Variants in DDX60L observed in about 807,000 individuals in gnomAD.
The protein encoded by DDX60L is probable ATP-dependent RNA helicase DDX60-like.
A neutral mutation model predicts 211.6 loss-of-function variants in DDX60L; 191 were observed. The ratio of observed to expected loss-of-function variants is 0.90; its 90% CI spans 0.80 to 1.02. DDX60L has a LOEUF of 1.02. DDX60L is among the 50% of genes least tolerant of loss of function. The pLI, the probability that DDX60L is intolerant of heterozygous loss-of-function variation, is 0.00. For missense variants in DDX60L, 2,007 were observed against 1,984.1 expected (o/e 1.01, Z -0.22); for synonymous variants, 706 against 694.1 (o/e 1.02, Z -0.27).
chr4:168,446,384 T>C (rs1754798963), intron 9 of DDX60L, among the ~76,000 whole-genome samples: 1 of 152,026 alleles, frequency 6.6e-6, no homozygotes, highest in Non-Finnish European at 1.5e-5. Context: ...TCAAAGAGGA[T>C]ACAAACAAAT....
At position 168,448,620 on chromosome 4, in the gene DDX60L, T is replaced by C; in HGVS notation, c.1138+18A>G. 6.7e-7 allele frequency: 1 copy of C among 1,489,984 alleles called. No individual in the cohort carries two copies. Among genetic ancestry groups the C allele is most frequent in the Non-Finnish European group, 9.1e-7 (1 of 1,094,052 alleles). The allele number at this position is 1,489,984 out of a possible 1,614,324, so 92.3% of individuals were successfully genotyped here. A position where few individuals can be genotyped will look rare whatever the true frequency, so the allele number is the denominator to read the frequency against. On this transcript the variant is annotated intron_variant, in intron 9 of 37. Transcript: ENST00000682922. Reference sequence around the variant, plus strand: ...TAATTTGTTCATGATATAATGTTAATGCATATTCAGGTACTACCTTGAGTA... The same window carrying C: ...TAATTTGTTCATGATATAATGTTAACGCATATTCAGGTACTACCTTGAGTA...
At chr4:168,421,464 A>G (rs1965953) in intron 17 of DDX60L, among the ~76,000 whole-genome samples, 142,124 of 152,238 alleles carry the variant, frequency 0.93, 66,497 homozygotes, top group Middle Eastern at 0.98. Flanking sequence ...AGACCAGCCT[A>G]GCCAACATGG....
At chr4:168,376,437 A>G (rs1394428897) in intron 33 of DDX60L, among the ~76,000 whole-genome samples, 2 of 152,210 alleles carry the variant, frequency 1.3e-5, no homozygotes, top group African/African-American at 2.4e-5. Context: ...ATAAACAGCT[A>G]TTTATTCTCA....
chr4:168,475,143 C>G (rs1043730524), intron 1 of DDX60L, among the ~76,000 whole-genome samples: 1 of 152,180 alleles, frequency 6.6e-6, no homozygotes, highest in Non-Finnish European at 1.5e-5. Context: ...GTTGTGTGGC[C>G]TGAGGCAAAT....
chr4:168,442,011 GA>G (rs1753918945), intron 9 of DDX60L, among the ~76,000 whole-genome samples: 1 of 152,122 alleles, frequency 6.6e-6, no homozygotes, highest in African/African-American at 2.4e-5. Context: ...CAAGATGGCC[GA>G]ATAGGAACAG....
chr4:168,476,869 G>A (rs559327603), intron 1 of DDX60L, among the ~76,000 whole-genome samples: 3 of 152,102 alleles, frequency 2.0e-5, no homozygotes, highest in Non-Finnish European at 4.4e-5. Flanking sequence ...TCGAGAAATA[G>A]GTATACCTTC....
At position 168,415,907 on chromosome 4, in the gene DDX60L, G is replaced by A. The variant is rs1413539751; in HGVS notation, c.2727-108C>T. 2.8e-6 allele frequency: 3 copies of A among 1,054,000 alleles called. No individual in the cohort carries two copies. In the East Asian group the frequency reaches 8.5e-5, roughly 30 times the overall value. The allele number at this position is 1,054,000 out of a possible 1,614,324, so 65.3% of individuals were successfully genotyped here. A position where few individuals can be genotyped will look rare whatever the true frequency, so the allele number is the denominator to read the frequency against. On this transcript the variant is annotated intron_variant, in intron 20 of 37. Coordinates refer to ENST00000682922, the MANE Select transcript of DDX60L (RefSeq NM_001012967.3). ...TCACAAGTTTAAAAATTTAGAGCAT[G>A]CCCTCTCAATTTAAACCACCTGAGT...
At chr4:168,466,245 A>G (rs976707100) in intron 4 of DDX60L, among the ~76,000 whole-genome samples, 1 of 152,150 alleles carries the variant, frequency 6.6e-6, no homozygotes, top group Admixed American at 6.5e-5. Flanking sequence ...GAAAATTAAC[A>G]AAGTGAAAAA....
intron 20 of DDX60L, 121 bp downstream of exon 20, chr4:168,416,561 A>G (rs934031044): frequency 1.8e-5 from 10 of 556,714 alleles, no homozygotes; most frequent in African/African-American, 1.8e-4. Context: ...CGTTTCAAAG[A>G]TTGGGTAATA....
chr4:168,417,457 T>C (rs1749758842), intron 19 of DDX60L, among the ~76,000 whole-genome samples: 1 of 152,192 alleles, frequency 6.6e-6, no homozygotes, highest in African/African-American at 2.4e-5. Context: ...TTCCTGCTTA[T>C]CCCTGCAAAG....
intron 9 of DDX60L, among the ~76,000 whole-genome samples, 156 bp from the exon 10 acceptor site, chr4:168,441,648 A>G (rs938729648): frequency 2.0e-5 from 3 of 152,168 alleles, no homozygotes; most frequent in African/African-American, 7.2e-5. Context: ...AAAATTAGTC[A>G]TGACACTATG....
chr4:168,440,459 T>C (rs1366359082), intron 10 of DDX60L, among the ~76,000 whole-genome samples: 1 of 151,684 alleles, frequency 6.6e-6, no homozygotes, highest in African/African-American at 2.4e-5. Flanking sequence ...CTCATTACTT[T>C]TACAATTTCC....
chr4:168,433,288 C>G (rs1752614970), intron 10 of DDX60L, among the ~76,000 whole-genome samples, 173 bp from the exon 11 acceptor site: 2 of 151,904 alleles, frequency 1.3e-5, no homozygotes, highest in Admixed American at 1.3e-4. Context: ...TTGTAGCAAG[C>G]CAGTATATTA....
At position 168,461,679 on chromosome 4, in the gene DDX60L, G is replaced by A. The variant is rs767517504; in HGVS notation, c.606+20C>T. The A allele has an allele frequency of 2.1e-6, 3 of 1,452,406 alleles. No individual in the cohort carries two copies. The highest frequency in any genetic ancestry group is 2.4e-5 in the East Asian group (1 of 42,360). 90.0% of individuals were successfully genotyped at this position (1,452,406 alleles called of 1,614,324 possible). A position where few individuals can be genotyped will look rare whatever the true frequency, so the allele number is the denominator to read the frequency against. ...TAAAACAAGAAATCAGGAAAAAAAT[G>A]AGTTATTAATGTCAATTACCTCCTT... On this transcript the variant is annotated intron_variant, in intron 5 of 37. Coordinates refer to ENST00000682922, the MANE Select transcript of DDX60L (RefSeq NM_001012967.3).
At chr4:168,386,277 T>C (rs11723137) in intron 29 of DDX60L, among the ~76,000 whole-genome samples, 113,338 of 151,948 alleles carry the variant, frequency 0.75, 43,567 homozygotes, top group East Asian at 0.87. Context: ...TAAGCCATTT[T>C]CTCTAACTCT....
intron 15 of DDX60L, among the ~76,000 whole-genome samples, chr4:168,423,144 T>C (rs1322478784): frequency 6.6e-6 from 1 of 152,088 alleles, no homozygotes; most frequent in African/African-American, 2.4e-5. Context: ...AATAGTGTAA[T>C]ATTTAAGTAA....
At chr4:168,410,311 T>C (rs1579452130) in intron 22 of DDX60L, among the ~76,000 whole-genome samples, 1 of 152,138 alleles carries the variant, frequency 6.6e-6, no homozygotes, top group Non-Finnish European at 1.5e-5. Context: ...GGAAGACGAA[T>C]AGAATCTGGA....
At chr4:168,370,149 G>C (rs1579197561) in intron 36 of DDX60L, among the ~76,000 whole-genome samples, 1 of 152,024 alleles carries the variant, frequency 6.6e-6, no homozygotes, top group Non-Finnish European at 1.5e-5. Context: ...ATTTACAATA[G>C]CTATGATATG....
chr4:168,457,811 A>G (rs1464879483), intron 6 of DDX60L, 81 bp downstream of exon 6: 5 of 799,184 alleles, frequency 6.3e-6, no homozygotes, highest in African/African-American at 5.2e-5. Flanking sequence ...AGTCTGGTCT[A>G]AGGACTGAAC....
Sources: allele counts gnomAD v4.1 joint callset (sites outside exome capture counted in the v4.1 genomes callset), GRCh38; gene constraint gnomAD v4.1.1; transcripts MANE v1.5; gene names NCBI Gene and HGNC (gene_info 2026-07-23, HGNC 2026-07-21).